The following SMARCAD1 variants were observed in gnomAD, a reference collection of about 807,000 sequenced individuals.
SMARCAD1 encodes the protein SNF2 related chromatin remodeling ATPase with DExD box 1.
A neutral mutation model predicts 127.1 loss-of-function variants in SMARCAD1; 25 were observed. That is an observed-to-expected ratio of 0.20 (90% confidence interval 0.14 to 0.27). The LOEUF is 0.27. Among genes scored for constraint, SMARCAD1 ranks in the 10% least tolerant of loss-of-function variants. The pLI is 1.00. For synonymous variants in SMARCAD1, 400 were observed against 396.9 expected (o/e 1.01, Z -0.09); for missense variants, 807 against 1,206.0 (o/e 0.67, Z 4.90).
intron 16 of SMARCAD1, 82 bp from the exon 17 acceptor site, chr4:94,278,340 A>G: frequency 8.1e-7 from 1 of 1,230,496 alleles, no homozygotes; most frequent in Non-Finnish European, 1.2e-6. Flanking sequence ...AATGAGGGAG[A>G]TTTTTATGTT....
At chr4:94,216,602 G>C (rs1743238738) in intron 2 of SMARCAD1, among the ~76,000 whole-genome samples, 1 of 152,004 alleles carries the variant, frequency 6.6e-6, no homozygotes, top group African/African-American at 2.4e-5. Flanking sequence ...TTTATGCATT[G>C]AACAACTACT....
At chr4:94,233,550 ATTACT>A (rs1474769693) in intron 3 of SMARCAD1, among the ~76,000 whole-genome samples, 1 of 152,156 alleles carries the variant, frequency 6.6e-6, no homozygotes, top group Non-Finnish European at 1.5e-5. Flanking sequence ...AGGCCTGAAA[ATTACT>A]TTATCTTTGT....
chr4:94,240,641 C>T (rs1425074623), intron 5 of SMARCAD1, among the ~76,000 whole-genome samples: 2 of 152,128 alleles, frequency 1.3e-5, no homozygotes, highest in East Asian at 3.8e-4. Flanking sequence ...TGTAGAATTA[C>T]TCATCAATTT....
At chr4:94,245,153 T>G (rs1206678973) in intron 6 of SMARCAD1, among the ~76,000 whole-genome samples, 1 of 152,174 alleles carries the variant, frequency 6.6e-6, no homozygotes, top group Non-Finnish European at 1.5e-5. Flanking sequence ...GCTATATTGA[T>G]CTAAGAAAAA....
At chr4:94,208,753 A>G (rs960560153) in intron 2 of SMARCAD1, among the ~76,000 whole-genome samples, 169 bp downstream of exon 2, 1 of 152,134 alleles carries the variant, frequency 6.6e-6, no homozygotes, top group African/African-American at 2.4e-5. Context: ...TGTACCCTCA[A>G]CTGAGCATCC....
chr4:94,264,669 A>T, intron 9 of SMARCAD1, 38 bp from the exon 10 acceptor site: 1 of 1,566,000 alleles, frequency 6.4e-7, no homozygotes, highest in Non-Finnish European at 8.8e-7. Flanking sequence ...TCTTTCCTAG[A>T]TCTGAACTAT....
At chr4:94,226,328 ATG>A in intron 3 of SMARCAD1, 32 bp downstream of exon 3, 1 of 1,571,064 alleles carries the variant, frequency 6.4e-7, no homozygotes, top group Non-Finnish European at 8.7e-7. Context: ...TTGTATTTGC[ATG>A]TGTGTGAGAT....
intron 23 of SMARCAD1, among the ~76,000 whole-genome samples, chr4:94,285,434 G>A (rs1279808752): frequency 3.9e-5 from 6 of 152,066 alleles, no homozygotes; most frequent in Admixed American, 1.3e-4. Context: ...AAATAAACAC[G>A]TGTTCTTTCT....
intron 4 of SMARCAD1, among the ~76,000 whole-genome samples, chr4:94,236,641 G>A (rs1746700374): frequency 6.6e-6 from 1 of 152,074 alleles, no homozygotes; most frequent in Admixed American, 6.6e-5. Context: ...TAAGTAGGAA[G>A]TTTTGTGTAA....
At chr4:94,281,345 A>G in intron 20 of SMARCAD1, 127 bp from the exon 21 acceptor site, 1 of 755,666 alleles carries the variant, frequency 1.3e-6, no homozygotes, top group Non-Finnish European at 2.4e-6. Context: ...GAAGCAGTTT[A>G]TCACAGAGAA....
At chr4:94,213,913 C>T (rs2125792543) in intron 2 of SMARCAD1, among the ~76,000 whole-genome samples, 1 of 152,196 alleles carries the variant, frequency 6.6e-6, no homozygotes, top group South Asian at 2.1e-4. Flanking sequence ...ATGTCCTAAG[C>T]AGGGTGTACA....
At chr4:94,282,102 T>TTTTTTG in intron 21 of SMARCAD1, among the ~76,000 whole-genome samples, 1 of 81,876 alleles carries the variant, frequency 1.2e-5, no homozygotes, top group Non-Finnish European at 2.6e-5. Context: ...GTTTTTTTGT[T>TTTTTTG]TTTTTTTTTT....
chr4:94,270,463 T>G (rs1173669669), intron 10 of SMARCAD1: 7 of 356,562 alleles, frequency 2.0e-5, no homozygotes. Context: ...TTTATGGAAT[T>G]AATTTGGAGG....
chr4:94,212,807 T>C (rs1167898178), intron 2 of SMARCAD1, among the ~76,000 whole-genome samples: 12 of 152,096 alleles, frequency 7.9e-5, no homozygotes, highest in Non-Finnish European at 1.6e-4. Context: ...GACCTTAAAA[T>C]AGTCCCTTTA....
intron 2 of SMARCAD1, among the ~76,000 whole-genome samples, chr4:94,214,803 ATT>A (rs796334033): frequency 1.4e-5 from 2 of 146,296 alleles, no homozygotes. Context: ...TGTTTGATGA[ATT>A]TTTTTTTTTT....
chr4:94,262,396 G>C (rs1751125019), intron 9 of SMARCAD1, among the ~76,000 whole-genome samples: 1 of 152,156 alleles, frequency 6.6e-6, no homozygotes, highest in African/African-American at 2.4e-5. Context: ...TGAAGATCGT[G>C]AATCTTATCA....
At chr4:94,247,025 T>A (rs537671291) in intron 6 of SMARCAD1, among the ~76,000 whole-genome samples, 1 of 152,234 alleles carries the variant, frequency 6.6e-6, no homozygotes, top group African/African-American at 2.4e-5. Context: ...GCAAGACTCA[T>A]CTACTTTTTG....
At chr4:94,241,392 T>C (rs1579143877) in intron 6 of SMARCAD1, among the ~76,000 whole-genome samples, 2 of 152,234 alleles carry the variant, frequency 1.3e-5, no homozygotes, top group African/African-American at 4.8e-5. Context: ...CTCTGAACTG[T>C]GTGCGTGTTC....
chr4:94,238,039 C>T (rs1171588875), intron 5 of SMARCAD1, among the ~76,000 whole-genome samples: 7 of 152,010 alleles, frequency 4.6e-5, no homozygotes, highest in Admixed American at 1.3e-4. Flanking sequence ...TTAATTTTTT[C>T]GAGGTTTAAA....
Sources: allele counts gnomAD v4.1 joint callset (sites outside exome capture counted in the v4.1 genomes callset), GRCh38; gene constraint gnomAD v4.1.1; transcripts MANE v1.5; gene names NCBI Gene and HGNC (gene_info 2026-07-23, HGNC 2026-07-21).